The following DTNA variants were observed in gnomAD, a reference collection of about 807,000 sequenced individuals.
DTNA encodes dystrophin-related protein 3.
DTNA carries 43 observed loss-of-function variants against 100.7 expected under a neutral mutation model. The observed-to-expected ratio is 0.43, with a 90% CI of 0.33 to 0.55. The LOEUF is 0.55. Among genes scored for constraint, DTNA ranks in the 20% least tolerant of loss-of-function variants. The pLI is 0.04. For missense variants in DTNA, 798 were observed against 953.9 expected (o/e 0.84, Z 2.15); for synonymous variants, 349 against 347.9 (o/e 1.00, Z -0.04).
intron 1 of DTNA, among the ~76,000 whole-genome samples, chr18:34,506,587 C>A (rs557734472): frequency 6.6e-6 from 1 of 152,256 alleles, no homozygotes; most frequent in South Asian, 2.1e-4. Context: ...TTTTATCTAG[C>A]TATGATGCTC....
Position 34,716,239 on chromosome 18 carries a change from C to T in DTNA, c.-2+5794C>T, listed in dbSNP as rs142050427. ...CCAAGAAATATAGAAAACACATGAG[C>T]TCGTATTTCCTCTCTAGAAGCTATA... is the stretch of plus-strand genomic sequence containing the variant. On this transcript the variant is annotated intron_variant, in intron 1 of 22. Coordinates refer to ENST00000444659, the MANE Select transcript of DTNA (RefSeq NM_001386795.1). Among the ~76,000 whole-genome samples, 859 of 152,242 alleles carry T rather than the reference C, an allele frequency of 5.6e-3. 8 individuals carry two copies. Among genetic ancestry groups the T allele is most frequent in the African/African-American group, 0.02 (816 of 41,550 alleles).
intron 1 of DTNA, among the ~76,000 whole-genome samples, chr18:34,692,240 A>G (rs1024067576): frequency 7.9e-5 from 12 of 152,318 alleles, no homozygotes; most frequent in Admixed American, 4.6e-4. Flanking sequence ...CATTAGAAGT[A>G]AAAGAAGAGC....
intron 1 of DTNA, among the ~76,000 whole-genome samples, chr18:34,564,336 G>T (rs1487369322): frequency 6.6e-6 from 1 of 152,000 alleles, no homozygotes; most frequent in Non-Finnish European, 1.5e-5. Context: ...TAGAGACAGG[G>T]TTTCACCATC....
Position 34,794,263 on chromosome 18 carries a change from TG to T in DTNA, c.362+14del, listed in dbSNP as rs2149042288. On this transcript the variant is annotated intron_variant, in intron 4 of 22. Transcript: ENST00000444659. ...CAGCGTTTGATCCGTAAGCACCCTC[TG>T]AATGTCTGTTCCTCTCTACATGTTT... is the stretch of plus-strand genomic sequence containing the variant. 1.1e-5 allele frequency: 17 copies of T among 1,613,962 alleles called. No homozygotes were observed. The highest frequency in any genetic ancestry group is 1.2e-5 in the Non-Finnish European group (14 of 1,179,842).
intron 1 of DTNA, among the ~76,000 whole-genome samples, chr18:34,716,523 A>G (rs924052174): frequency 3.3e-5 from 5 of 152,280 alleles, no homozygotes; most frequent in East Asian, 3.9e-4. Flanking sequence ...AGATCACACC[A>G]TTGTACTCCG....
intron 1 of DTNA, among the ~76,000 whole-genome samples, chr18:34,641,019 C>G (rs1412062004): frequency 6.6e-6 from 1 of 151,932 alleles, no homozygotes; most frequent in Non-Finnish European, 1.5e-5. Context: ...GGGGTAAAGA[C>G]TTTATTATTA....
chr18:34,798,349 A>G (rs1239615700), intron 4 of DTNA, among the ~76,000 whole-genome samples: 2 of 152,102 alleles, frequency 1.3e-5, no homozygotes, highest in African/African-American at 4.8e-5. Context: ...TTGATCTCCA[A>G]TATATTACAA....
chr18:34,891,806 G>GT lies in DTNA; in HGVS notation c.*4079dup, dbSNP rs1328776102. The GT allele has an allele frequency of 2.6e-5, 4 of 152,074 alleles. No homozygotes were observed. The highest frequency in any genetic ancestry group is 2.6e-4 in the Admixed American group (4 of 15,290). The allele number at this position is 152,074 out of a possible 1,614,324, so 9.4% of individuals were successfully genotyped here. ...TTCTGCAAATATTAAGTGCTCAATG[G>GT]TTTTTTTGTTGAATTACTGAATAAA... On this transcript the variant is annotated 3_prime_UTR_variant, in exon 23 of 23. Transcript: ENST00000444659.
chr18:34,838,712 C>T, intron 12 of DTNA, 33 bp from the exon 13 acceptor site: 6 of 1,584,244 alleles, frequency 3.8e-6, no homozygotes, highest in Non-Finnish European at 5.2e-6. Flanking sequence ...CCTCTCTTAA[C>T]AACACGCTTT....
chr18:34,675,091 G>A (rs922952027), intron 1 of DTNA, among the ~76,000 whole-genome samples: 4 of 152,038 alleles, frequency 2.6e-5, no homozygotes, highest in African/African-American at 4.8e-5. Context: ...AAAGGAACTC[G>A]GACCACCTAC....
At chr18:34,577,121 C>T (rs1427826073) in intron 1 of DTNA, among the ~76,000 whole-genome samples, 1 of 152,160 alleles carries the variant, frequency 6.6e-6, no homozygotes, top group East Asian at 1.9e-4. Flanking sequence ...TGTCTATTCT[C>T]ACTTTAATTT....
chr18:34,629,930 C>T (rs1417641448), intron 1 of DTNA, among the ~76,000 whole-genome samples: 1 of 152,208 alleles, frequency 6.6e-6, no homozygotes, highest in East Asian at 1.9e-4. Context: ...CTCAGCAGCC[C>T]AGTCCAGAGA....
At chr18:34,575,363 A>G (rs2048014239) in intron 1 of DTNA, among the ~76,000 whole-genome samples, 1 of 152,334 alleles carries the variant, frequency 6.6e-6, no homozygotes, top group South Asian at 2.1e-4. Context: ...AAAACTCTTC[A>G]TCTAAGTTGT....
rs551403159 is a variant in DTNA, at chr18:34,577,653, C to T, written c.-2+84139C>T. ...TTCTTATGCCTTTGCATCCTCATAGCTTAGGTCTTACTTATGAGTGAGAAC... is the reference window on the plus strand; with the variant it reads ...TTCTTATGCCTTTGCATCCTCATAGTTTAGGTCTTACTTATGAGTGAGAAC... On this transcript the variant is annotated intron_variant, in intron 1 of 19. Coordinates refer to the DTNA transcript ENST00000283365. Among the ~76,000 whole-genome samples the T allele has an allele frequency of 2.0e-5, 3 of 152,268 alleles. No homozygotes were observed. The South Asian group carries it at 6.2e-4, about 32-fold the overall frequency.
intron 18 of DTNA, 41 bp downstream of exon 18, chr18:34,875,439 G>A (rs762492159): frequency 6.2e-7 from 1 of 1,613,648 alleles, no homozygotes; most frequent in Non-Finnish European, 8.5e-7. Context: ...CTTTTATGTG[G>A]CAAATAGGTC....
At chr18:34,829,107 C>T in intron 10 of DTNA, 1 of 1,614,044 alleles carries the variant, frequency 6.2e-7, no homozygotes, top group Non-Finnish European at 8.5e-7. Context: ...TAAAATATTC[C>T]TATAATACTT....
At chr18:34,768,952 G>A (rs1227827549) in intron 3 of DTNA, among the ~76,000 whole-genome samples, 1 of 152,262 alleles carries the variant, frequency 6.6e-6, no homozygotes, top group East Asian at 1.9e-4. Flanking sequence ...AGTTGTTGGG[G>A]GTGAGGGTCA....
At chr18:34,695,133 T>C (rs2080336489) in intron 1 of DTNA, among the ~76,000 whole-genome samples, 1 of 152,164 alleles carries the variant, frequency 6.6e-6, no homozygotes, top group Non-Finnish European at 1.5e-5. Context: ...TCTCCCTCCG[T>C]ACAGTGCTAG....
In DTNA at chr18:34,812,016, A is replaced by G. The variant is rs201674479; in HGVS notation, c.506A>G (p.Gln169Arg). The G allele has an allele frequency of 4.3e-6, 7 of 1,614,126 alleles. No homozygotes were observed. In the East Asian group the frequency reaches 1.6e-4, roughly 36 times the overall value. The change falls in exon 6 of 23, where the codon CAA (glutamine) becomes CGA (arginine). Residue 169 changes from glutamine (Q) to arginine (R), a missense_variant. Gln to Arg is a conservative substitution (Grantham distance 43, BLOSUM62 1). Around this residue, in one of 6 missense-constraint regions of DTNA, gnomAD observed 197 missense variants for 215.4 expected, o/e 0.91. Coordinates refer to ENST00000444659, the MANE Select transcript of DTNA (RefSeq NM_001386795.1). ...SGVMVYGRYD[Q>R]FLREVLKLPT... ...GTGATGGTTTATGGACGATATGACC[A>G]ATTCCTTCGGGAAGTTCTCAAACTA...
Sources: allele counts gnomAD v4.1 joint callset (sites outside exome capture counted in the v4.1 genomes callset), GRCh38; gene constraint gnomAD v4.1.1; regional missense constraint gnomAD v4.1.1; transcripts MANE v1.5; gene names NCBI Gene and HGNC (gene_info 2026-07-23, HGNC 2026-07-21).